Variants in PAK1 observed in about 807,000 individuals in gnomAD.
PAK1 encodes the protein p21 (RAC1) activated kinase 1, also known as serine/threonine-protein kinase PAK 1.
In PAK1, 29 loss-of-function variants were observed where a neutral mutation model predicts 67.4. The ratio of observed to expected loss-of-function variants is 0.43; its 90% CI spans 0.32 to 0.59. The LOEUF is 0.59. Among genes scored for constraint, PAK1 ranks in the 20% least tolerant of loss-of-function variants. The pLI, the probability that PAK1 is intolerant of heterozygous loss-of-function variation, is 0.07. For missense variants in PAK1, 337 were observed against 670.7 expected, an observed-to-expected ratio of 0.50 and a Z score of 5.50; for synonymous variants, 223 against 237.4, an observed-to-expected ratio of 0.94 and a Z score of 0.56.
chr11:77,370,052 GTC>G (rs1289551487), intron 5 of PAK1, among the ~76,000 whole-genome samples: 1 of 152,148 alleles, frequency 6.6e-6, no homozygotes, highest in Non-Finnish European at 1.5e-5. Context: ...ACTTATGTAA[GTC>G]TGTTTTTCCA....
chr11:77,340,939 G>C (rs1240069896), intron 10 of PAK1, among the ~76,000 whole-genome samples, 176 bp from the exon 11 acceptor site: 2 of 152,182 alleles, frequency 1.3e-5, no homozygotes, highest in African/African-American at 4.8e-5. Flanking sequence ...CACTAACTTT[G>C]AATCTCTCAA....
At chr11:77,520,471 C>T in the PAK1 span, among the ~76,000 whole-genome samples, 97 of 152,214 alleles carry the variant, frequency 6.4e-4, no homozygotes, top group African/African-American at 2.2e-3. Flanking sequence ...AATCCTGAGG[C>T]CTTTTACCTG....
At position 77,324,780 on chromosome 11, in the gene PAK1, GAGAGAGAGAGAC is replaced by G. The variant is rs1490607447; in HGVS notation, c.1552-1432_1552-1421del. ...ACACACACACACACACACACACAGA[GAGAGAGAGAGAC>G]AGAGAGAGAGAGAGAAAGAGAAAGA... On this transcript the variant is annotated intron_variant, in intron 14 of 14. Transcript: ENST00000356341. Among the ~76,000 whole-genome samples the G allele has an allele frequency of 6.1e-3, 823 of 135,826 alleles. 6 individuals carry two copies. The highest frequency in any genetic ancestry group is 0.022 in the African/African-American group (791 of 35,400). 89.1% of individuals were successfully genotyped at this position (135,826 alleles called of 152,430 possible). A position where few individuals can be genotyped will look rare whatever the true frequency, so the allele number is the denominator to read the frequency against.
upstream of PAK1, among the ~76,000 whole-genome samples, chr11:77,479,136 G>C (rs1014980277): frequency 1.3e-5 from 2 of 149,902 alleles, no homozygotes; most frequent in African/African-American, 4.9e-5. Flanking sequence ...CATTGTAATA[G>C]ATGCCACTGT....
intron 1 of PAK1, among the ~76,000 whole-genome samples, chr11:77,460,323 CTTTT>C (rs71043580): frequency 7.6e-6 from 1 of 131,490 alleles, no homozygotes. Flanking sequence ...TTTTTGTTTG[CTTTT>C]TTTTTTTTTT....
At position 77,339,700 on chromosome 11, in the gene PAK1, C is replaced by T. The variant is rs534628455; in HGVS notation, c.1116+946G>A. Among the ~76,000 whole-genome samples the T allele has an allele frequency of 6.6e-4, 101 of 152,104 alleles. 1 individual carries two copies. The highest frequency in any genetic ancestry group is 2.3e-3 in the African/African-American group (95 of 41,476). ...AGCAGTATGCCTTCAGCTCTTGCAC[C>T]ATCAAACCCCCATCATACTATTATA... On this transcript the variant is annotated intron_variant, in intron 11 of 14. Coordinates refer to ENST00000356341, the MANE Select transcript of PAK1 (RefSeq NM_002576.5).
intron 1 of PAK1, among the ~76,000 whole-genome samples, chr11:77,442,467 A>G (rs1956396826): frequency 6.6e-6 from 1 of 152,186 alleles, no homozygotes; most frequent in African/African-American, 2.4e-5. Flanking sequence ...CATGGCAAAG[A>G]ACTGAAGCTT....
chr11:77,332,784 G>A lies in PAK1; in HGVS notation c.1497C>T (p.Asn499=), dbSNP rs1351353839. Reference sequence around the variant, plus strand: ...TCTCCACATCCATCTCGAGACAGCGGTTCAGAAAGTCCCGGAAGATAGCTG... The same window carrying A: ...TCTCCACATCCATCTCGAGACAGCGATTCAGAAAGTCCCGGAAGATAGCTG... ...KLSAIFRDFL[N]RCLEMDVEKR... The change falls in exon 14 of 15, where the codon AAC becomes AAT. Residue 499 remains asparagine, a synonymous_variant. Coordinates refer to ENST00000356341, the MANE Select transcript of PAK1 (RefSeq NM_002576.5). 2 of 1,613,524 alleles carry A rather than the reference G, an allele frequency of 1.2e-6. No homozygotes were observed. Among genetic ancestry groups the A allele is most frequent in the African/African-American group, 2.7e-5 (2 of 74,878 alleles).
rs538225986 is a variant in PAK1 at position 77,407,156 on chromosome 11, T to C, written c.-21-14615A>G. 1.4e-3 allele frequency among the ~76,000 whole-genome samples: 213 copies of C among 152,336 alleles called. 2 individuals carry two copies. The highest frequency in any genetic ancestry group is 4.6e-3 in the African/African-American group (190 of 41,578). ...AGATTAAAAATCAGGTAACAGTAAG[T>C]GGTAGAACCAGGATTTGAACTGAAG... is the stretch of plus-strand genomic sequence containing the variant. On this transcript the variant is annotated intron_variant, in intron 1 of 14. Coordinates refer to ENST00000356341, the MANE Select transcript of PAK1 (RefSeq NM_002576.5).
intron 1 of PAK1, among the ~76,000 whole-genome samples, chr11:77,443,591 A>T (rs191164904): frequency 3.3e-5 from 5 of 152,358 alleles, no homozygotes; most frequent in Non-Finnish European, 7.3e-5. Context: ...TCCATTTTAC[A>T]TACAGGAAAA....
the PAK1 span, among the ~76,000 whole-genome samples, chr11:77,490,090 T>G: frequency 1.3e-5 from 2 of 151,074 alleles, no homozygotes; most frequent in Middle Eastern, 3.4e-3. Context: ...GGGGAGCGCC[T>G]CTGCCCGGCC....
the PAK1 span, among the ~76,000 whole-genome samples, chr11:77,493,714 A>G: frequency 6.6e-6 from 1 of 151,990 alleles, no homozygotes. Context: ...TGAATGTATC[A>G]TTCCATTTAA....
chr11:77,509,727 T>C, the PAK1 span, among the ~76,000 whole-genome samples: 1 of 152,152 alleles, frequency 6.6e-6, no homozygotes, highest in South Asian at 2.1e-4. Context: ...CATTTAAAAG[T>C]ATGTGGCACC....
At chr11:77,394,354 T>A (rs935992422) in intron 1 of PAK1, among the ~76,000 whole-genome samples, 11 of 152,200 alleles carry the variant, frequency 7.2e-5, no homozygotes, top group Non-Finnish European at 1.3e-4. Context: ...TTTTGAAAAT[T>A]AGTGATCCCA....
chr11:77,422,878 G>C (rs780179366), intron 1 of PAK1, among the ~76,000 whole-genome samples: 1 of 152,048 alleles, frequency 6.6e-6, no homozygotes, highest in Non-Finnish European at 1.5e-5. Context: ...GTAACCTTGA[G>C]GTCATAAGTA....
At chr11:77,421,006 T>C (rs1270998416) in intron 1 of PAK1, among the ~76,000 whole-genome samples, 4 of 152,314 alleles carry the variant, frequency 2.6e-5, no homozygotes, top group Non-Finnish European at 5.9e-5. Flanking sequence ...CCCAGGGTGA[T>C]CTATTTAAAA....
At chr11:77,490,981 A>AC in the PAK1 span, among the ~76,000 whole-genome samples, 6 of 152,180 alleles carry the variant, frequency 3.9e-5, no homozygotes, top group Admixed American at 3.3e-4. Context: ...ACCCAGGGAC[A>AC]CAAACACTGC....
At chr11:77,446,394 C>A (rs1956602921) in intron 1 of PAK1, among the ~76,000 whole-genome samples, 1 of 151,862 alleles carries the variant, frequency 6.6e-6, no homozygotes, top group Non-Finnish European at 1.5e-5. Flanking sequence ...GGCTTGTAAT[C>A]CCAGCTACTC....
chr11:77,436,614 T>C (rs1320728561), intron 1 of PAK1, among the ~76,000 whole-genome samples: 1 of 152,218 alleles, frequency 6.6e-6, no homozygotes, highest in African/African-American at 2.4e-5. Flanking sequence ...ACTTATAGGA[T>C]AGAACACTGC....
Sources: allele counts gnomAD v4.1 joint callset (sites outside exome capture counted in the v4.1 genomes callset), GRCh38; gene constraint gnomAD v4.1.1; transcripts MANE v1.5; gene names NCBI Gene and HGNC (gene_info 2026-07-23, HGNC 2026-07-21).